Variants in ANK2 observed in about 807,000 individuals in gnomAD.
The protein encoded by ANK2 is ankyrin 2.
Under a neutral mutation model 360.5 loss-of-function variants are expected in ANK2, and 83 were observed. The observed-to-expected ratio is 0.23, with a 90% confidence interval of 0.19 to 0.28. ANK2 has a LOEUF of 0.28. Among genes scored for constraint, ANK2 ranks in the 10% least tolerant of loss-of-function variants. The pLI, the probability that ANK2 is intolerant of heterozygous loss-of-function variation, is 1.00. For missense variants in ANK2, 4,201 were observed against 4,795.7 expected, an observed-to-expected ratio of 0.88 and a Z score of 3.66; for synonymous variants, 1,740 against 1,759.5, an observed-to-expected ratio of 0.99 and a Z score of 0.28.
At chr4:113,373,250 A>G (rs753563593) in intron 44 of ANK2, 35 bp from the exon 45 acceptor site, 3 of 1,613,900 alleles carry the variant, frequency 1.9e-6, no homozygotes, top group South Asian at 2.2e-5. Context: ...GTACTGTCAC[A>G]CAAAAATAAG....
Position 112,969,458 on chromosome 4 carries a change from C to A in ANK2, c.21+64944C>A, listed in dbSNP as rs185488255. Among the ~76,000 whole-genome samples, 66 of 152,252 alleles carry A rather than the reference C, an allele frequency of 4.3e-4. No homozygotes were observed. The East Asian group carries it at 7.7e-3, about 18-fold the overall frequency. ...TCTGATTTATGCCATTGGCTTCCCC[C>A]CGGACTTTAATGTTGACACCTTTTG... On this transcript the variant is annotated intron_variant, in intron 2 of 30. Coordinates refer to the ANK2 transcript ENST00000503271.
chr4:113,187,857 A>C (rs1053914857), intron 2 of ANK2, among the ~76,000 whole-genome samples: 3 of 152,214 alleles, frequency 2.0e-5, no homozygotes, highest in African/African-American at 7.2e-5. Context: ...CACTTAAATC[A>C]TTCTGAATCT....
chr4:113,086,659 C>A (rs1366652106), intron 1 of ANK2, among the ~76,000 whole-genome samples: 2 of 152,078 alleles, frequency 1.3e-5, no homozygotes, highest in Non-Finnish European at 2.9e-5. Context: ...AACAAAAAAA[C>A]CACGAAGAAA....
chr4:112,909,762 A>G (rs1322247087), intron 2 of ANK2, among the ~76,000 whole-genome samples: 1 of 152,208 alleles, frequency 6.6e-6, no homozygotes, highest in Non-Finnish European at 1.5e-5. Flanking sequence ...TGGTCAGTCT[A>G]TGTATAGCAG....
intron 1 of ANK2, among the ~76,000 whole-genome samples, chr4:113,054,326 C>CAT (rs888174082): frequency 6.6e-6 from 1 of 151,808 alleles, no homozygotes; most frequent in East Asian, 1.9e-4. Flanking sequence ...TGAAGGTACA[C>CAT]ACACACACAC....
chr4:112,794,370 G>A, the ANK2 span, among the ~76,000 whole-genome samples: 8 of 152,316 alleles, frequency 5.3e-5, no homozygotes, highest in Admixed American at 4.6e-4. Flanking sequence ...CAGATCATTT[G>A]TTGGGAGATA....
chr4:113,233,119 T>C (rs1448970622), intron 5 of ANK2, among the ~76,000 whole-genome samples: 1 of 14,488 alleles, frequency 6.9e-5, no homozygotes, highest in East Asian at 2.0e-3. Context: ...TTTTTTTTTT[T>C]TTTTTTTTTT....
chr4:113,037,150 A>G (rs1199732623), intron 2 of ANK2, among the ~76,000 whole-genome samples: 1 of 152,042 alleles, frequency 6.6e-6, no homozygotes, highest in East Asian at 1.9e-4. Flanking sequence ...ACTTGCAAGT[A>G]GGATAAGATC....
At chr4:112,829,755 A>G (rs921974058) in intron 1 of ANK2, among the ~76,000 whole-genome samples, 9 of 152,034 alleles carry the variant, frequency 5.9e-5, no homozygotes, top group Admixed American at 5.9e-4. Context: ...GGAGATGGAG[A>G]CCATCCTGGC....
chr4:112,819,310 G>A (rs1312494421), intron 1 of ANK2, among the ~76,000 whole-genome samples: 1 of 152,128 alleles, frequency 6.6e-6, no homozygotes, highest in African/African-American at 2.4e-5. Flanking sequence ...TCCCCTTGAG[G>A]GATAATAGGC....
At chr4:112,784,420 C>T in the ANK2 span, among the ~76,000 whole-genome samples, 45,263 of 145,448 alleles carry the variant, frequency 0.31, 7,164 homozygotes, top group East Asian at 0.36. Flanking sequence ...TGCAGTGGCG[C>T]GATCTCGGCT....
the ANK2 span, among the ~76,000 whole-genome samples, chr4:112,809,514 T>C: frequency 7.0e-6 from 1 of 142,670 alleles, no homozygotes; most frequent in Non-Finnish European, 1.5e-5. Flanking sequence ...TGAGCCGAGA[T>C]CTCGCCACTG....
chr4:113,380,345 A>C (rs1383020006), intron 45 of ANK2, among the ~76,000 whole-genome samples: 1 of 152,142 alleles, frequency 6.6e-6, no homozygotes, highest in Non-Finnish European at 1.5e-5. Flanking sequence ...GTATGACTTA[A>C]AATTAATATG....
intron 1 of ANK2, among the ~76,000 whole-genome samples, chr4:113,063,052 G>A (rs1485550683): frequency 1.3e-5 from 2 of 151,954 alleles, no homozygotes; most frequent in South Asian, 2.1e-4. Flanking sequence ...GTTCCACAGC[G>A]TAATATCTAT....
At chr4:112,913,563 C>T (rs954210587) in intron 2 of ANK2, among the ~76,000 whole-genome samples, 9 of 152,228 alleles carry the variant, frequency 5.9e-5, no homozygotes, top group African/African-American at 2.2e-4. Context: ...TTGGATTTTG[C>T]TCAGTTAAGT....
chr4:113,148,934 A>G (rs2096934524), intron 1 of ANK2, among the ~76,000 whole-genome samples: 1 of 152,210 alleles, frequency 6.6e-6, no homozygotes, highest in Non-Finnish European at 1.5e-5. Context: ...GAGTCTTGGA[A>G]AAGGACTTGA....
chr4:112,932,191 C>T (rs975277057), intron 2 of ANK2, among the ~76,000 whole-genome samples: 5 of 152,022 alleles, frequency 3.3e-5, no homozygotes, highest in Non-Finnish European at 5.9e-5. Context: ...CCCGTTTCTA[C>T]TAAAAATCCA....
intron 1 of ANK2, among the ~76,000 whole-genome samples, chr4:112,821,271 A>G (rs2056946744): frequency 6.6e-6 from 1 of 151,514 alleles, no homozygotes; most frequent in African/African-American, 2.4e-5. Flanking sequence ...CTGGTCTGGA[A>G]CTCCTGGGCT....
intron 2 of ANK2, among the ~76,000 whole-genome samples, chr4:112,910,650 A>G (rs2058693419): frequency 1.3e-5 from 2 of 152,178 alleles, no homozygotes; most frequent in African/African-American, 2.4e-5. Context: ...GTCCAGCAAA[A>G]TGGGTTGCAC....
Sources: allele counts gnomAD v4.1 joint callset (sites outside exome capture counted in the v4.1 genomes callset), GRCh38; gene constraint gnomAD v4.1.1; transcripts MANE v1.5; gene names NCBI Gene and HGNC (gene_info 2026-07-23, HGNC 2026-07-21).